Variants in ADAMTS7 observed in about 807,000 individuals in gnomAD.
ADAMTS7 encodes the protein A disintegrin and metalloproteinase with thrombospondin motifs 7.
In ADAMTS7, 89 loss-of-function variants were observed where a neutral mutation model predicts 172.6. That is an observed-to-expected ratio of 0.52 (90% CI 0.43 to 0.61). The LOEUF (loss-of-function observed/expected upper bound fraction) is 0.61, where lower values mean the gene tolerates loss of function less well. Ranked by LOEUF, ADAMTS7 falls within the 20% of genes least tolerant of loss-of-function variation. ADAMTS7 has a pLI of 0.00. For synonymous variants in ADAMTS7, 885 were observed against 978.4 expected, an observed-to-expected ratio of 0.90 and a Z score of 1.78; for missense variants, 1,973 against 2,355.6, an observed-to-expected ratio of 0.84 and a Z score of 3.36.
At chr15:78,788,014 G>A (rs918361095) in intron 8 of ADAMTS7, among the ~76,000 whole-genome samples, 9 of 152,150 alleles carry the variant, frequency 5.9e-5, no homozygotes, top group South Asian at 2.1e-4. Flanking sequence ...TTGGGATGCC[G>A]GCACCACATC....
At chr15:78,791,357 C>A in intron 4 of ADAMTS7, 134 bp from the exon 5 acceptor site, 2 of 666,882 alleles carry the variant, frequency 3.0e-6, no homozygotes, top group Non-Finnish European at 5.1e-6. Context: ...CACTGGTGCA[C>A]ACAGGCTGCA....
chr15:78,791,046 T>C (rs1468287508), intron 5 of ADAMTS7, 94 bp downstream of exon 5: 3 of 1,442,908 alleles, frequency 2.1e-6, no homozygotes, highest in African/African-American at 1.4e-5. Flanking sequence ...GCCTTCACTG[T>C]GCCCTTCCAT....
chr15:78,784,514 T>C (rs1458115914), intron 8 of ADAMTS7, among the ~76,000 whole-genome samples: 4 of 151,858 alleles, frequency 2.6e-5, no homozygotes, highest in Admixed American at 2.6e-4. Context: ...TAGCTGAATA[T>C]TAAGGGTTCC....
At chr15:78,805,850 G>T (rs2055780724) in intron 1 of ADAMTS7, among the ~76,000 whole-genome samples, 1 of 151,978 alleles carries the variant, frequency 6.6e-6, no homozygotes, top group Non-Finnish European at 1.5e-5. Context: ...GAAGACCGAG[G>T]AGGGCAGATT....
chr15:78,764,661 C>T lies in ADAMTS7; in HGVS notation c.4313G>A (p.Cys1438Tyr). ...GLGAVWRPVR[C>Y]SSGRDEDCAP... is the part of the protein sequence containing the mutation. Reference sequence around the variant, plus strand: ...GCAGTCCTCATCCCGGCCGGAGCTACAGCGCACCGGCCTCCAGACCGCACC... The same window carrying T: ...GCAGTCCTCATCCCGGCCGGAGCTATAGCGCACCGGCCTCCAGACCGCACC... Residue 1438 changes from cysteine (C) to tyrosine (Y), a missense_variant, in exon 20 of 24, where the codon TGT becomes TAT. By Grantham distance (194) the Cys-to-Tyr change is radical (BLOSUM62 -2). Transcript: ENST00000388820. The T allele has an allele frequency of 6.3e-7, 1 of 1,575,864 alleles. No homozygotes were observed. Among genetic ancestry groups the T allele is most frequent in the African/African-American group, 1.3e-5 (1 of 74,336 alleles).
At chr15:78,808,094 G>C (rs2055819481) in intron 1 of ADAMTS7, among the ~76,000 whole-genome samples, 1 of 152,050 alleles carries the variant, frequency 6.6e-6, no homozygotes, top group South Asian at 2.1e-4. Context: ...GGGCTCAAAC[G>C]ATCTGCCTAC....
chr15:78,802,362 G>A (rs1002011468), intron 1 of ADAMTS7, among the ~76,000 whole-genome samples: 1 of 152,150 alleles, frequency 6.6e-6, no homozygotes, highest in Non-Finnish European at 1.5e-5. Context: ...TTAGCCTGAC[G>A]GATTTAAAAA....
intron 2 of ADAMTS7, among the ~76,000 whole-genome samples, chr15:78,799,559 T>C (rs2055691081): frequency 7.1e-6 from 1 of 140,380 alleles, no homozygotes; most frequent in African/African-American, 2.5e-5. Flanking sequence ...AGGGGTAGCT[T>C]TCCTGGAGAA....
At chr15:78,760,397 G>A (rs558270890) in intron 23 of ADAMTS7, among the ~76,000 whole-genome samples, 3 of 152,302 alleles carry the variant, frequency 2.0e-5, no homozygotes, top group South Asian at 2.1e-4. Context: ...CCTCCCTGGG[G>A]AGGAGGAGCA....
At chr15:78,762,606 C>G in intron 22 of ADAMTS7, 41 bp from the exon 23 acceptor site, 1 of 1,253,104 alleles carries the variant, frequency 8.0e-7, no homozygotes, top group Non-Finnish European at 1.1e-6. Flanking sequence ...CCAGGGCCAG[C>G]CCTAGCAGTG....
At chr15:78,769,613 G>A (rs756459305) in intron 16 of ADAMTS7, among the ~76,000 whole-genome samples, 75 of 152,212 alleles carry the variant, frequency 4.9e-4, no homozygotes, top group Non-Finnish European at 4.4e-4. Flanking sequence ...AGCAGGAGTG[G>A]AGGGGAGGCT....
At position 78,776,199 on chromosome 15, in the gene ADAMTS7, G is replaced by A; in HGVS notation, c.1695C>T (p.Cys565=). 1 of 1,610,808 alleles carries A rather than the reference G, an allele frequency of 6.2e-7. No homozygotes were observed. The change falls in exon 11 of 24, where the codon TGC becomes TGT. Residue 565 remains cysteine, a synonymous_variant. Coordinates refer to ENST00000388820, the MANE Select transcript of ADAMTS7 (RefSeq NM_014272.5). ...GGCCCCACACTCACGTAGGCTGCGT[G>A]CACTGCCGCTCGGCGCTCTGTACGC... ...GMGVQSAERQ[C]TQPTPKYKGR... is the part of the protein sequence containing the mutation.
At chr15:78,803,395 A>G (rs2055750522) in intron 1 of ADAMTS7, among the ~76,000 whole-genome samples, 1 of 152,182 alleles carries the variant, frequency 6.6e-6, no homozygotes, top group Non-Finnish European at 1.5e-5. Flanking sequence ...AATAATTTAA[A>G]AAGTAGGGTG....
rs200168292 is a variant in ADAMTS7 at position 78,764,682 on chromosome 15, G to A, written c.4292C>T (p.Ala1431Val). ...SECSTTCGLG[A>V]VWRPVRCSSG... ...GCTACAGCGCACCGGCCTCCAGACC[G>A]CACCCAGGCCACAGGTGGTAGAGCA... Residue 1431 changes from alanine (A) to valine (V), a missense_variant, in exon 20 of 24, where the codon GCG (alanine) becomes GTG (valine). Around this residue, in one of 8 missense-constraint regions of ADAMTS7, gnomAD observed 218 missense variants for 216.9 expected, o/e 1.01. Transcript: ENST00000388820. The A allele has an allele frequency of 5.6e-5, 87 of 1,556,890 alleles. No homozygotes were observed. The highest frequency in any genetic ancestry group is 5.6e-5 in the Admixed American group (3 of 53,628).
chr15:78,788,436 C>G, intron 7 of ADAMTS7, 62 bp from the exon 8 acceptor site: 1 of 1,587,202 alleles, frequency 6.3e-7, no homozygotes, highest in Non-Finnish European at 8.6e-7. Flanking sequence ...GCCTGCCCTC[C>G]CCTGGACACC....
At chr15:78,779,646 G>A (rs1454331638) in intron 8 of ADAMTS7, among the ~76,000 whole-genome samples, 2 of 152,166 alleles carry the variant, frequency 1.3e-5, no homozygotes, top group Non-Finnish European at 2.9e-5. Flanking sequence ...GGCGGGTGGT[G>A]GGGTCAGCTG....
intron 4 of ADAMTS7, among the ~76,000 whole-genome samples, chr15:78,792,361 G>A (rs576993031): frequency 1.7e-4 from 26 of 152,194 alleles, no homozygotes; most frequent in African/African-American, 5.5e-4. Context: ...TCATCATTTC[G>A]TCTGCTCAGT....
At chr15:78,784,801 C>T (rs1009415519) in intron 8 of ADAMTS7, among the ~76,000 whole-genome samples, 1 of 152,032 alleles carries the variant, frequency 6.6e-6, no homozygotes, top group African/African-American at 2.4e-5. Flanking sequence ...CAGAAAAATG[C>T]CTTCGACATT....
chr15:78,807,773 G>A (rs2055815343), intron 1 of ADAMTS7, among the ~76,000 whole-genome samples: 1 of 152,090 alleles, frequency 6.6e-6, no homozygotes, highest in African/African-American at 2.4e-5. Context: ...AGTATATTTA[G>A]CTTTTTCTTT....
Sources: allele counts gnomAD v4.1 joint callset (sites outside exome capture counted in the v4.1 genomes callset), GRCh38; gene constraint gnomAD v4.1.1; regional missense constraint gnomAD v4.1.1; transcripts MANE v1.5; gene names NCBI Gene and HGNC (gene_info 2026-07-23, HGNC 2026-07-21).